Variants in TKTL1 observed in about 807,000 individuals in gnomAD.
TKTL1 encodes transketolase-like protein 1.
In TKTL1, 1 loss-of-function variant was observed where a neutral mutation model predicts 39.3. The ratio of observed to expected loss-of-function variants is 0.03; its 90% confidence interval spans 0.01 to 0.12. TKTL1 has a LOEUF of 0.12. TKTL1 is among the 10% of genes least tolerant of loss of function. TKTL1 has a pLI of 1.00. For missense variants in TKTL1, 575 were observed against 509.6 expected (o/e 1.13, Z -1.24); for synonymous variants, 262 against 193.8 (o/e 1.35, Z -2.92).
intron 1 of TKTL1, among the ~76,000 whole-genome samples, chrX:154,300,696 T>G (rs782469335): frequency 3.6e-5 from 4 of 110,850 alleles, no homozygotes; most frequent in Admixed American, 9.6e-5. Context: ...TTTGTTTGTT[T>G]GTGTTTGTTT....
At chrX:154,321,021 T>C in intron 8 of TKTL1, 108 bp downstream of exon 8, 2 of 946,049 alleles carry the variant, frequency 2.1e-6, no homozygotes, top group Non-Finnish European at 3.0e-6. Context: ...TGAAGTTTGA[T>C]TATTCAAGCC....
chrX:154,297,469 G>A (rs1260498362), intron 1 of TKTL1, among the ~76,000 whole-genome samples: 1 of 110,606 alleles, frequency 9.0e-6, no homozygotes, highest in Admixed American at 9.6e-5. Context: ...TGTTAGCCAG[G>A]ATGGTCTCGA....
At chrX:154,318,316 AT>A (rs2067418662) in intron 7 of TKTL1, among the ~76,000 whole-genome samples, 2 of 111,073 alleles carry the variant, frequency 1.8e-5, no homozygotes, top group South Asian at 7.5e-4. Flanking sequence ...AAATCATGCC[AT>A]TAATGATGAC....
At chrX:154,303,376 C>A (rs1244277716) in intron 1 of TKTL1, among the ~76,000 whole-genome samples, 1 of 72,790 alleles carries the variant, frequency 1.4e-5, no homozygotes, top group African/African-American at 5.1e-5. Context: ...CCCTGCCCAG[C>A]TAATTTTTTT....
At chrX:154,327,799 GTC>G (rs782231749) in intron 11 of TKTL1, 38 bp from the exon 12 acceptor site, 2 of 1,208,274 alleles carry the variant, frequency 1.7e-6, no homozygotes, top group East Asian at 5.9e-5. Context: ...GTTATTCTGA[GTC>G]TCTTTCTTGT....
intron 5 of TKTL1, among the ~76,000 whole-genome samples, chrX:154,312,220 C>T (rs1181574144): frequency 8.9e-6 from 1 of 112,523 alleles, no homozygotes; most frequent in African/African-American, 3.2e-5. Context: ...CACCAGTGGC[C>T]CTCAGGGGCA....
chrX:154,319,536 C>T (rs933441958), intron 7 of TKTL1, among the ~76,000 whole-genome samples: 1 of 111,635 alleles, frequency 9.0e-6, no homozygotes, highest in Non-Finnish European at 1.9e-5. Context: ...CCTGTCAGTT[C>T]GAGACCAGCC....
rs1557167069 is a variant in TKTL1 at position 154,305,540 on chromosome X, C to G, written c.252+119C>G. ...TCGTTTATTATTTTGGTTCTTCTTT[C>G]TTTGCATCTTAAAGCTCGAGTGTTC... On this transcript the variant is annotated intron_variant, in intron 2 of 12. Transcript: ENST00000369915. The G allele has an allele frequency of 8.9e-6, 8 of 903,514 alleles. No homozygotes were observed. The East Asian group carries it at 2.7e-4, about 30-fold the overall frequency. 74.5% of individuals were successfully genotyped at this position (903,514 alleles called of 1,213,427 possible).
Position 154,295,903 on chromosome X carries a change from G to A in TKTL1, c.44G>A (p.Arg15Lys), listed in dbSNP as rs199619974. 1.7e-6 allele frequency: 2 copies of A among 1,210,448 alleles called. No individual in the cohort carries two copies. The highest frequency in any genetic ancestry group is 2.2e-6 in the Non-Finnish European group (2 of 895,217). ...EARAEFPEEA[R>K]PDRGTLQVLQ... The stretch of plus-strand genomic sequence containing the variant: ...AGGGCTGAGTTCCCGGAGGAGGCCA[G>A]ACCTGACAGGGGCACCTTGCAGGTG... The change falls in exon 1 of 13, where the codon AGA becomes AAA. Residue 15 changes from arginine to lysine, a missense_variant. Arg to Lys is a conservative substitution (Grantham distance 26). Transcript: ENST00000369915.
At chrX:154,300,983 A>G (rs1326577914) in intron 1 of TKTL1, among the ~76,000 whole-genome samples, 2 of 109,616 alleles carry the variant, frequency 1.8e-5, no homozygotes, top group Admixed American at 9.8e-5. Flanking sequence ...ATGTGAGCCA[A>G]CCGCGCCTGG....
At chrX:154,314,190 A>G (rs2067379418) in intron 6 of TKTL1, among the ~76,000 whole-genome samples, 1 of 111,484 alleles carries the variant, frequency 9.0e-6, no homozygotes, top group South Asian at 3.7e-4. Context: ...GAAAAGAGTA[A>G]TTTCTAAACT....
At chrX:154,328,742 G>A (rs1246484780) in intron 12 of TKTL1, among the ~76,000 whole-genome samples, 2 of 110,201 alleles carry the variant, frequency 1.8e-5, no homozygotes, top group Non-Finnish European at 3.8e-5. Context: ...TCATGCGGCA[G>A]GGGCCCTCTG....
intron 1 of TKTL1, among the ~76,000 whole-genome samples, chrX:154,298,939 G>A (rs929870280): frequency 1.8e-5 from 2 of 109,451 alleles, no homozygotes; most frequent in African/African-American, 3.3e-5. Flanking sequence ...CAGACCCCTG[G>A]CCTCAAGTGA....
intron 7 of TKTL1, among the ~76,000 whole-genome samples, chrX:154,318,381 A>G (rs1457706740): frequency 4.5e-5 from 5 of 110,327 alleles, no homozygotes; most frequent in Admixed American, 9.7e-5. Flanking sequence ...GGGAGGCTGA[A>G]GCTGGAGGAT....
chrX:154,313,688 C>G (rs1399137944), intron 6 of TKTL1, among the ~76,000 whole-genome samples: 1 of 111,430 alleles, frequency 9.0e-6, no homozygotes, highest in Non-Finnish European at 1.9e-5. Context: ...GTAATCCCAG[C>G]ACTATCAGGA....
At chrX:154,305,722 G>T (rs1354301076) in intron 2 of TKTL1, among the ~76,000 whole-genome samples, 2 of 110,183 alleles carry the variant, frequency 1.8e-5, no homozygotes, top group African/African-American at 6.6e-5. Context: ...CCTCTGTGCT[G>T]CCTGAGGAGA....
At chrX:154,305,166 C>T in intron 1 of TKTL1, 138 bp from the exon 2 acceptor site, 2 of 1,177,490 alleles carry the variant, frequency 1.7e-6, no homozygotes, top group Non-Finnish European at 2.3e-6. Context: ...AACCTGTGAG[C>T]CCTGCATTCC....
At chrX:154,323,481 CAGG>C (rs1361069329) in intron 9 of TKTL1, 144 bp downstream of exon 9, 6 of 712,545 alleles carry the variant, frequency 8.4e-6, no homozygotes, top group Admixed American at 3.6e-5. Flanking sequence ...ACAAAAAAAA[CAGG>C]AGATTATGCA....
intron 1 of TKTL1, among the ~76,000 whole-genome samples, chrX:154,301,465 C>G (rs1292414221): frequency 9.0e-6 from 1 of 111,574 alleles, no homozygotes; most frequent in African/African-American, 3.3e-5. Context: ...TGCAGTGAGC[C>G]GAGAGAGTGC....
Sources: allele counts gnomAD v4.1 joint callset (sites outside exome capture counted in the v4.1 genomes callset), GRCh38; gene constraint gnomAD v4.1.1; transcripts MANE v1.5; gene names NCBI Gene and HGNC (gene_info 2026-07-23, HGNC 2026-07-21).